Variants in USH2A observed in about 807,000 individuals in gnomAD.
USH2A encodes usherin, also known as Usher syndrome 2A (autosomal recessive, mild).
A neutral mutation model predicts 538.9 loss-of-function variants in USH2A; 443 were observed. The observed-to-expected ratio is 0.82, with a 90% confidence interval of 0.76 to 0.89. The LOEUF is 0.89. USH2A is among the 40% of genes least tolerant of loss of function. The pLI is 0.00. For missense variants in USH2A, 6,633 were observed against 6,324.8 expected, an observed-to-expected ratio of 1.05 and a Z score of -1.65; for synonymous variants, 2,413 against 2,273.5, an observed-to-expected ratio of 1.06 and a Z score of -1.75.
At chr1:216,081,902 T>A (rs1035168137) in intron 26 of USH2A, among the ~76,000 whole-genome samples, 5 of 150,026 alleles carry the variant, frequency 3.3e-5, no homozygotes, top group African/African-American at 5.0e-5. Flanking sequence ...CAGCCTTAAT[T>A]TTTTAATTTT....
chr1:216,289,106 T>C (rs1478506924), intron 11 of USH2A, among the ~76,000 whole-genome samples, 174 bp downstream of exon 11: 3 of 152,228 alleles, frequency 2.0e-5, no homozygotes, highest in Non-Finnish European at 2.9e-5. Flanking sequence ...GAACTAGTGC[T>C]ATATTTCATG....
chr1:215,972,161 G>A (rs542423), intron 35 of USH2A, among the ~76,000 whole-genome samples: 61,178 of 151,928 alleles, frequency 0.4, 12,521 homozygotes, highest in Non-Finnish European at 0.44. Flanking sequence ...GCCTTCTATT[G>A]GGTTTTGCCA....
chr1:215,968,416 T>C (rs1667408767), intron 36 of USH2A, among the ~76,000 whole-genome samples: 1 of 152,044 alleles, frequency 6.6e-6, no homozygotes, highest in Non-Finnish European at 1.5e-5. Context: ...TTCTGAACCA[T>C]AAATAATAGC....
At chr1:215,779,716 T>C (rs772682106) in intron 55 of USH2A, 127 bp downstream of exon 55, 8 of 1,129,512 alleles carry the variant, frequency 7.1e-6, no homozygotes, top group Non-Finnish European at 9.0e-6. Flanking sequence ...GACCTGACCA[T>C]ATGTCAAGAG....
At chr1:216,170,196 A>C (rs535943025) in intron 21 of USH2A, among the ~76,000 whole-genome samples, 3 of 152,290 alleles carry the variant, frequency 2.0e-5, no homozygotes, top group Non-Finnish European at 4.4e-5. Flanking sequence ...CATAAATATT[A>C]TGGAGTAAAA....
At chr1:215,741,753 G>C (rs1037758851) in intron 59 of USH2A, among the ~76,000 whole-genome samples, 2 of 151,912 alleles carry the variant, frequency 1.3e-5, no homozygotes, top group African/African-American at 4.8e-5. Context: ...TATTTATATA[G>C]ACATAAACAA....
At chr1:215,728,517 T>G (rs1659899214) in intron 60 of USH2A, 133 bp from the exon 61 acceptor site, 1 of 893,528 alleles carries the variant, frequency 1.1e-6, no homozygotes, top group Non-Finnish European at 1.7e-6. Context: ...GGTGTCATAG[T>G]AAAGAAAAAC....
At chr1:216,129,343 G>A (rs930002992) in intron 21 of USH2A, among the ~76,000 whole-genome samples, 2 of 151,872 alleles carry the variant, frequency 1.3e-5, no homozygotes, top group South Asian at 2.1e-4. Context: ...TCTTCGTAGC[G>A]GCTATACTAA....
chr1:215,839,741 G>T (rs1663624302), intron 46 of USH2A, among the ~76,000 whole-genome samples: 1 of 152,028 alleles, frequency 6.6e-6, no homozygotes, highest in African/African-American at 2.4e-5. Context: ...AAACGATATT[G>T]TATAACATGT....
At chr1:215,648,866 C>A (rs1656951674) in intron 65 of USH2A, 100 bp from the exon 66 acceptor site, 3 of 1,158,696 alleles carry the variant, frequency 2.6e-6, no homozygotes, top group Non-Finnish European at 3.9e-6. Flanking sequence ...GAGTACCATG[C>A]CAGGCACTCT....
At chr1:216,004,681 G>T (rs1427905256) in intron 32 of USH2A, among the ~76,000 whole-genome samples, 1 of 152,164 alleles carries the variant, frequency 6.6e-6, no homozygotes, top group Non-Finnish European at 1.5e-5. Context: ...GTAGAATCAA[G>T]AGAAGATTTT....
rs142617606 is a variant in USH2A, at chr1:215,728,362, C to T, written c.11734G>A (p.Glu3912Lys). 189 of 1,614,028 alleles carry T rather than the reference C, an allele frequency of 1.2e-4. No individual in the cohort carries two copies. Among genetic ancestry groups the T allele is most frequent in the Non-Finnish European group, 1.5e-4 (179 of 1,180,042 alleles). The change falls in exon 61 of 72, where the codon GAG (glutamate) becomes AAG (lysine). Residue 3912 changes from glutamate (E) to lysine (K), a missense_variant. Glu to Lys is a moderately conservative substitution (Grantham distance 56, BLOSUM62 1). Coordinates refer to ENST00000307340, the MANE Select transcript of USH2A (RefSeq NM_206933.4). ...TCTGACCAGACAAATAAAACAGACT[C>T]CTCTTCAATGCCAGCAGGGCGTCTG... is the stretch of plus-strand genomic sequence containing the variant. ...IYRRPAGIEEESVLFVWSEGA... is the reference protein window; with the variant it reads ...IYRRPAGIEEKSVLFVWSEGA...
chr1:215,703,287 G>A (rs915106983), intron 61 of USH2A, among the ~76,000 whole-genome samples: 2 of 152,194 alleles, frequency 1.3e-5, no homozygotes, highest in Non-Finnish European at 2.9e-5. Flanking sequence ...GAAGACACAG[G>A]GGTCAGGGAC....
chr1:216,037,025 G>C (rs938108488), intron 32 of USH2A, among the ~76,000 whole-genome samples: 1 of 152,074 alleles, frequency 6.6e-6, no homozygotes, highest in Non-Finnish European at 1.5e-5. Flanking sequence ...GATGATACCA[G>C]CCACTTAGTC....
rs552320032 is a variant in USH2A, at chr1:215,744,594, C to T, written c.11390-1259G>A. Among the ~76,000 whole-genome samples the T allele has an allele frequency of 1.6e-4, 24 of 152,282 alleles. No individual in the cohort carries two copies. The South Asian group carries it at 2.3e-3, about 14-fold the overall frequency. On this transcript the variant is annotated intron_variant, in intron 58 of 71. Coordinates refer to ENST00000307340, the MANE Select transcript of USH2A (RefSeq NM_206933.4). ...TCTAGAGATAACATTACTGAGGAAG[C>T]ACAGGACTCAATGACCTAAGAGAGA... is the stretch of plus-strand genomic sequence containing the variant.
rs751937450 is a variant in USH2A, at chr1:215,965,418, T to A, written c.7019A>T (p.Gln2340Leu). The change falls in exon 37 of 72, where the codon CAG (glutamine) becomes CTG (leucine). Residue 2340 changes from glutamine (Q) to leucine (L), a missense_variant. Gln to Leu is a moderately radical substitution (Grantham distance 113). Coordinates refer to ENST00000307340, the MANE Select transcript of USH2A (RefSeq NM_206933.4). ...EGTVNVFVKT[Q>L]GSRKAHVRWE... ...CCTCACGTGGGCTTTCCGGGATCCC[T>A]GTGTTTTGACAAACACATTTACTGT... is the stretch of plus-strand genomic sequence containing the variant. 5 of 1,613,730 alleles carry A rather than the reference T, an allele frequency of 3.1e-6. No homozygotes were observed. In the African/African-American group the frequency reaches 6.7e-5, roughly 22 times the overall value.
chr1:215,915,873 T>C (rs914080415), intron 38 of USH2A, among the ~76,000 whole-genome samples: 3 of 151,960 alleles, frequency 2.0e-5, no homozygotes, highest in Non-Finnish European at 4.4e-5. Context: ...AAGGATGAGT[T>C]CATGTCCTTT....
chr1:215,808,202 G>A lies in USH2A; in HGVS notation c.9739+5534C>T, dbSNP rs141855345. 2.3e-3 allele frequency among the ~76,000 whole-genome samples: 350 copies of A among 152,108 alleles called. 1 individual carries two copies. Among genetic ancestry groups the A allele is most frequent in the Non-Finnish European group, 3.6e-3 (243 of 67,974 alleles). On this transcript the variant is annotated intron_variant, in intron 49 of 71. Transcript: ENST00000307340. ...ACATTTTTGCTTTCTTTTAAAGATA[G>A]GGATGTTCATTGTAATTTTAATGGA...
intron 40 of USH2A, among the ~76,000 whole-genome samples, chr1:215,897,040 A>G (rs534776473): frequency 5.9e-5 from 9 of 152,192 alleles, no homozygotes; most frequent in Non-Finnish European, 1.2e-4. Context: ...TTGGTGGCAC[A>G]CTGGTGTAAA....
Sources: gnomAD v4.1 joint callset for allele counts (sites outside exome capture counted in the v4.1 genomes callset) on GRCh38, gnomAD v4.1.1 for gene constraint, MANE v1.5 for transcripts, NCBI Gene and HGNC (gene_info 2026-07-23, HGNC 2026-07-21) for gene names.